The following CCDC171 variants were observed in gnomAD, a reference collection of about 807,000 sequenced individuals.
The protein encoded by CCDC171 is coiled-coil domain containing 171.
In CCDC171, 177 loss-of-function variants were observed where a neutral mutation model predicts 168.2. The ratio of observed to expected loss-of-function variants is 1.05; its 90% CI spans 0.93 to 1.19. CCDC171 has a LOEUF of 1.19. Among genes scored for constraint, CCDC171 ranks in the 50% most tolerant of loss-of-function variants. The probability of loss-of-function intolerance (pLI) is 0.00; values close to 1 mark genes in which losing one functional copy is unlikely to be tolerated. For missense variants in CCDC171, 1,991 were observed against 1,539.0 expected, an observed-to-expected ratio of 1.29 and a Z score of -4.91; for synonymous variants, 687 against 540.8, an observed-to-expected ratio of 1.27 and a Z score of -3.75.
chr9:15,884,964 AT>A (rs1819193822), intron 24 of CCDC171, among the ~76,000 whole-genome samples: 1 of 152,212 alleles, frequency 6.6e-6, no homozygotes, highest in Non-Finnish European at 1.5e-5. Context: ...AAAAAATAAT[AT>A]GTTCAACAAC....
rs558801360 is a variant in CCDC171 at position 15,940,351 on chromosome 9, A to C, written c.3753+19929A>C. Reference sequence around the variant, plus strand: ...ATTAAGCTGCAAGTCATTTAAGGTCATTTCTCTTTTTCAATGATTGAAGGG... The same window carrying C: ...ATTAAGCTGCAAGTCATTTAAGGTCCTTTCTCTTTTTCAATGATTGAAGGG... On this transcript the variant is annotated intron_variant, in intron 25 of 25. Transcript: ENST00000380701. 1.4e-3 allele frequency among the ~76,000 whole-genome samples: 207 copies of C among 151,908 alleles called. 1 individual carries two copies. The highest frequency in any genetic ancestry group is 5.6e-3 in the Admixed American group (85 of 15,196).
intron 3 of CCDC171, among the ~76,000 whole-genome samples, chr9:15,993,696 C>T (rs1018789040): frequency 2.0e-5 from 3 of 152,200 alleles, no homozygotes; most frequent in African/African-American, 7.2e-5. Context: ...ATCTACTCAT[C>T]TGACAAAGGG....
chr9:16,064,432 G>A, downstream of CCDC171, among the ~76,000 whole-genome samples: 1 of 152,156 alleles, frequency 6.6e-6, no homozygotes, highest in Non-Finnish European at 1.5e-5. Context: ...GAGGGCAGAG[G>A]AGGAAGACGC....
At chr9:15,845,459 G>A (rs1325827912) in intron 21 of CCDC171, among the ~76,000 whole-genome samples, 1 of 152,038 alleles carries the variant, frequency 6.6e-6, no homozygotes, top group African/African-American at 2.4e-5. Context: ...TACCTGGTTT[G>A]ACTGATGATG....
intron 18 of CCDC171, among the ~76,000 whole-genome samples, chr9:15,769,267 A>T (rs1588394853): frequency 6.6e-6 from 1 of 152,138 alleles, no homozygotes; most frequent in Non-Finnish European, 1.5e-5. Context: ...TAGTCCAGGG[A>T]TGTAGCTTTC....
intron 24 of CCDC171, among the ~76,000 whole-genome samples, chr9:15,877,391 G>A (rs559051899): frequency 6.6e-6 from 1 of 152,146 alleles, no homozygotes; most frequent in East Asian, 1.9e-4. Context: ...CGTTTAAGGT[G>A]TATGTATGTT....
At chr9:15,705,091 GACACACACACACAC>G (rs3082789) in intron 11 of CCDC171, among the ~76,000 whole-genome samples, 3 of 147,644 alleles carry the variant, frequency 2.0e-5, no homozygotes, top group Admixed American at 6.8e-5. Context: ...GTATCCTTAC[GACACACACACACAC>G]ACACACACAC....
intron 3 of CCDC171, among the ~76,000 whole-genome samples, chr9:15,996,274 A>T (rs1208955260): frequency 6.6e-6 from 1 of 152,140 alleles, no homozygotes; most frequent in African/African-American, 2.4e-5. Flanking sequence ...TCTTGGCCCC[A>T]TGTGGGACAT....
intron 2 of CCDC171, among the ~76,000 whole-genome samples, chr9:15,569,739 C>T (rs200971665): frequency 5.3e-5 from 8 of 151,154 alleles, no homozygotes; most frequent in African/African-American, 7.3e-5. Flanking sequence ...GGCGTGAACC[C>T]GGGAGGCGGA....
chr9:15,911,598 GT>G (rs1823649127), intron 24 of CCDC171, among the ~76,000 whole-genome samples: 1 of 152,176 alleles, frequency 6.6e-6, no homozygotes, highest in Non-Finnish European at 1.5e-5. Flanking sequence ...TGCTTTTGGT[GT>G]TTTAGTCATG....
At chr9:15,576,085 CTG>C (rs202140268) in intron 3 of CCDC171, among the ~76,000 whole-genome samples, 3,637 of 114,396 alleles carry the variant, frequency 0.032, 156 homozygotes, top group African/African-American at 0.11. Context: ...GAGCGAGACT[CTG>C]TCTCAAAAAA....
At chr9:15,943,716 T>A (rs912229147) in intron 25 of CCDC171, among the ~76,000 whole-genome samples, 1 of 151,982 alleles carries the variant, frequency 6.6e-6, no homozygotes, top group African/African-American at 2.4e-5. Flanking sequence ...TTCCCATCTT[T>A]TATGCAGGCA....
intron 23 of CCDC171, among the ~76,000 whole-genome samples, chr9:15,851,562 T>A (rs982333424): frequency 3.3e-5 from 5 of 151,888 alleles, no homozygotes; most frequent in Non-Finnish European, 2.9e-5. Context: ...GGCCGCTTTT[T>A]ATTTTTTTTG....
chr9:15,809,309 C>G (rs2059223697), intron 21 of CCDC171, among the ~76,000 whole-genome samples: 1 of 152,144 alleles, frequency 6.6e-6, no homozygotes. Context: ...ATGGTAACCA[C>G]TAGCCACGTG....
chr9:15,830,423 A>T (rs979831972), intron 21 of CCDC171, among the ~76,000 whole-genome samples: 1 of 152,208 alleles, frequency 6.6e-6, no homozygotes, highest in African/African-American at 2.4e-5. Flanking sequence ...ATGTTACTAT[A>T]TGCTTATTAC....
chr9:15,654,213 AC>A (rs943614060), intron 7 of CCDC171, among the ~76,000 whole-genome samples: 21 of 152,238 alleles, frequency 1.4e-4, no homozygotes, highest in African/African-American at 4.6e-4. Context: ...AAAAAAAAAA[AC>A]CAAAACTATT....
In CCDC171 at chr9:15,744,688, C is replaced by T. The variant is rs1388478271; in HGVS notation, c.2465C>T (p.Ala822Val). 2 of 1,614,120 alleles carry T rather than the reference C, an allele frequency of 1.2e-6. No homozygotes were observed. Among genetic ancestry groups the T allele is most frequent in the African/African-American group, 1.3e-5 (1 of 75,040 alleles). The change falls in exon 17 of 26, where the codon GCC (alanine) becomes GTC (valine). Residue 822 changes from alanine to valine, a missense_variant. Physicochemically the swap from Ala to Val is moderately conservative, Grantham distance 64 (BLOSUM62 0). Coordinates refer to ENST00000380701, the MANE Select transcript of CCDC171 (RefSeq NM_173550.4). ...NRLKILGQSCASLFTWMESFK... is the reference protein window; with the variant it reads ...NRLKILGQSCVSLFTWMESFK... ...CTCAAGATTTTGGGCCAATCATGTG[C>T]CTCTCTTTTTACCTGGATGGAGAGT...
At chr9:16,017,072 C>A (rs1186677002) in intron 3 of CCDC171, among the ~76,000 whole-genome samples, 1 of 152,124 alleles carries the variant, frequency 6.6e-6, no homozygotes, top group Non-Finnish European at 1.5e-5. Context: ...GCAGTAAAAA[C>A]TTAACCACAA....
At chr9:16,074,442 A>G in the CCDC171 span, among the ~76,000 whole-genome samples, 5 of 152,186 alleles carry the variant, frequency 3.3e-5, no homozygotes, top group South Asian at 2.1e-4. Context: ...TTACTTTACA[A>G]ATACTTTTTT....
Sources: gnomAD v4.1 joint callset for allele counts (sites outside exome capture counted in the v4.1 genomes callset) on GRCh38, gnomAD v4.1.1 for gene constraint, MANE v1.5 for transcripts, NCBI Gene and HGNC (gene_info 2026-07-23, HGNC 2026-07-21) for gene names.